CADM2: variants seen among roughly 807,000 people sequenced by gnomAD.
The protein encoded by CADM2 is cell adhesion molecule 2.
In CADM2, 12 loss-of-function variants were observed where a neutral mutation model predicts 49.8. The observed-to-expected ratio is 0.24, with a 90% CI of 0.15 to 0.39. CADM2 has a LOEUF of 0.39. CADM2 is among the 10% of genes least tolerant of loss of function. The pLI is 1.00. For synonymous variants in CADM2, 214 were observed against 175.4 expected, an observed-to-expected ratio of 1.22 and a Z score of -1.74; for missense variants, 378 against 492.3, an observed-to-expected ratio of 0.77 and a Z score of 2.20.
At chr3:85,313,645 C>G (rs953166870) in intron 1 of CADM2, among the ~76,000 whole-genome samples, 2 of 152,160 alleles carry the variant, frequency 1.3e-5, no homozygotes, top group Non-Finnish European at 2.9e-5. Flanking sequence ...AGCTATTACA[C>G]AACTGCAGTC....
intron 5 of CADM2, among the ~76,000 whole-genome samples, chr3:85,901,479 A>G (rs1029412080): frequency 6.6e-6 from 1 of 152,198 alleles, no homozygotes; most frequent in African/African-American, 2.4e-5. Flanking sequence ...GAAAGTAGTC[A>G]TTATATAAAA....
chr3:85,305,275 A>G (rs2044186398), intron 1 of CADM2, among the ~76,000 whole-genome samples: 1 of 151,744 alleles, frequency 6.6e-6, no homozygotes, highest in Non-Finnish European at 1.5e-5. Context: ...GCTTAGCTAT[A>G]TTTGGAATTC....
chr3:85,569,701 CAA>C (rs781598979), intron 1 of CADM2, among the ~76,000 whole-genome samples: 80 of 114,730 alleles, frequency 7.0e-4, no homozygotes, highest in African/African-American at 1.0e-3. Flanking sequence ...TTTCTAATGG[CAA>C]AAAAAAAAAA....
chr3:85,425,986 G>T (rs1302738574), intron 1 of CADM2, among the ~76,000 whole-genome samples: 56 of 152,144 alleles, frequency 3.7e-4, no homozygotes, highest in Admixed American at 3.7e-3. Context: ...AGCCTAAGAA[G>T]GCTAGAAGCA....
At chr3:85,147,937 G>T (rs1435762531) in intron 1 of CADM2, among the ~76,000 whole-genome samples, 1 of 152,086 alleles carries the variant, frequency 6.6e-6, no homozygotes, top group Non-Finnish European at 1.5e-5. Flanking sequence ...GAATAGTACC[G>T]TTATTAATTC....
At chr3:85,403,314 A>C (rs1432322138) in intron 1 of CADM2, among the ~76,000 whole-genome samples, 3 of 152,132 alleles carry the variant, frequency 2.0e-5, no homozygotes, top group African/African-American at 7.2e-5. Context: ...AAAAAAGTGC[A>C]TTGAACTAAT....
intron 1 of CADM2, among the ~76,000 whole-genome samples, chr3:85,546,631 G>A (rs544304134): frequency 1.3e-5 from 2 of 152,234 alleles, no homozygotes; most frequent in Non-Finnish European, 2.9e-5. Context: ...GGAAGTGGTA[G>A]TAAATTGAGT....
At chr3:85,144,611 CAA>C (rs368755903) in intron 1 of CADM2, among the ~76,000 whole-genome samples, 1 of 108,766 alleles carries the variant, frequency 9.2e-6, no homozygotes. Context: ...GACTCCATCT[CAA>C]AAAAAAAAAA....
intron 2 of CADM2, among the ~76,000 whole-genome samples, chr3:85,799,440 G>T (rs1006538524): frequency 5.9e-5 from 9 of 152,104 alleles, no homozygotes; most frequent in African/African-American, 2.2e-4. Flanking sequence ...TTTGAAATAT[G>T]TTCCATCAAT....
chr3:85,449,757 T>C (rs979807176), intron 1 of CADM2, among the ~76,000 whole-genome samples: 1 of 152,188 alleles, frequency 6.6e-6, no homozygotes, highest in Non-Finnish European at 1.5e-5. Context: ...AAGGAAACTT[T>C]AGACATCAAA....
At chr3:85,370,772 T>G (rs2107317234) in intron 1 of CADM2, among the ~76,000 whole-genome samples, 1 of 152,224 alleles carries the variant, frequency 6.6e-6, no homozygotes, top group African/African-American at 2.4e-5. Context: ...GAAGAAGAGA[T>G]TGTTATCATA....
chr3:85,317,079 G>A (rs1453452076), intron 1 of CADM2, among the ~76,000 whole-genome samples: 3 of 152,076 alleles, frequency 2.0e-5, no homozygotes, highest in Non-Finnish European at 4.4e-5. Context: ...ATACACTGTG[G>A]TCATAATGAA....
chr3:85,699,231 T>G (rs2066669754), intron 1 of CADM2, among the ~76,000 whole-genome samples: 1 of 152,188 alleles, frequency 6.6e-6, no homozygotes, highest in African/African-American at 2.4e-5. Flanking sequence ...CCTCCACAGC[T>G]GCTCTCAAGA....
At chr3:85,029,463 G>A (rs533059357) in intron 1 of CADM2, among the ~76,000 whole-genome samples, 18 of 152,232 alleles carry the variant, frequency 1.2e-4, no homozygotes, top group Non-Finnish European at 2.2e-4. Context: ...GATGCTAATC[G>A]TTCTTTGTGT....
At chr3:85,846,596 G>C (rs1226062577) in intron 3 of CADM2, among the ~76,000 whole-genome samples, 2 of 152,120 alleles carry the variant, frequency 1.3e-5, no homozygotes, top group African/African-American at 4.8e-5. Context: ...GCTATGTGTG[G>C]TGGCTTACAC....
chr3:86,037,989 C>T lies in CADM2; in HGVS notation c.971-27616C>T, dbSNP rs142786446. 2.6e-5 allele frequency among the ~76,000 whole-genome samples: 4 copies of T among 152,074 alleles called. No homozygotes were observed. The East Asian group carries it at 7.8e-4, about 30-fold the overall frequency. The stretch of plus-strand genomic sequence containing the variant: ...GTGCTAATGATCTCCCTCCATTTGC[C>T]CCCAACCCCCTGACAAGCTGTGGTG... On this transcript the variant is annotated intron_variant, in intron 8 of 9. Coordinates refer to ENST00000383699, the MANE Select transcript of CADM2 (RefSeq NM_001167675.2).
chr3:85,918,306 T>G (rs973772682), intron 6 of CADM2, among the ~76,000 whole-genome samples: 3 of 152,200 alleles, frequency 2.0e-5, no homozygotes, highest in Non-Finnish European at 2.9e-5. Context: ...TAGATAGCTC[T>G]TATTATTTTG....
intron 1 of CADM2, among the ~76,000 whole-genome samples, chr3:85,200,325 A>T (rs554473526): frequency 3.2e-4 from 49 of 152,186 alleles, no homozygotes; most frequent in African/African-American, 1.1e-3. Context: ...TGTTTCTGGT[A>T]AACCGTTTCC....
chr3:86,061,156 A>G (rs1357342404), intron 8 of CADM2, among the ~76,000 whole-genome samples: 1 of 152,130 alleles, frequency 6.6e-6, no homozygotes, highest in South Asian at 2.1e-4. Context: ...GAATGTTTGA[A>G]TTGTTAAAGA....
Sources: allele counts gnomAD v4.1 joint callset (sites outside exome capture counted in the v4.1 genomes callset), GRCh38; gene constraint gnomAD v4.1.1; transcripts MANE v1.5; gene names NCBI Gene and HGNC (gene_info 2026-07-23, HGNC 2026-07-21).